Variants in CHAF1A observed in about 807,000 individuals in gnomAD.
The protein encoded by CHAF1A is chromatin assembly factor 1 subunit A, also known as CAF-1 subunit A.
CHAF1A carries 5 observed loss-of-function variants against 93.2 expected under a neutral mutation model. The observed-to-expected ratio is 0.05, with a 90% CI of 0.03 to 0.11. CHAF1A has a LOEUF of 0.11. CHAF1A is among the 10% of genes least tolerant of loss of function. The pLI is 1.00. For missense variants in CHAF1A, 1,102 were observed against 1,259.9 expected, an observed-to-expected ratio of 0.87 and a Z score of 1.90; for synonymous variants, 504 against 510.3, an observed-to-expected ratio of 0.99 and a Z score of 0.17.
At chr19:4,414,136 C>T (rs1973856918) in intron 3 of CHAF1A, among the ~76,000 whole-genome samples, 1 of 152,154 alleles carries the variant, frequency 6.6e-6, no homozygotes, top group Non-Finnish European at 1.5e-5. Flanking sequence ...TGCAGTGGCT[C>T]AAGCCTGTAA....
Position 4,433,560 on chromosome 19 carries a change from G to A in CHAF1A, c.2673+21G>A, listed in dbSNP as rs1351772412. The A allele has an allele frequency of 6.6e-7, 1 of 1,526,704 alleles. No individual in the cohort carries two copies. Among genetic ancestry groups the A allele is most frequent in the Admixed American group, 2.0e-5 (1 of 49,788 alleles). 94.6% of individuals were successfully genotyped at this position (1,526,704 alleles called of 1,614,324 possible). On this transcript the variant is annotated intron_variant, in intron 13 of 14. Coordinates refer to ENST00000301280, the MANE Select transcript of CHAF1A (RefSeq NM_005483.3). This position sits in a 1 kb window ranked among gnomAD's most constrained non-coding sequence, Gnocchi z 5.6. Reference sequence around the variant, plus strand: ...GCCAGGTGAGGTGGGGTGGGCAGGTGGGGGCCTCTGCAGGGCTTTTCTTTT... The same window carrying A: ...GCCAGGTGAGGTGGGGTGGGCAGGTAGGGGCCTCTGCAGGGCTTTTCTTTT...
the CHAF1A span, chr19:4,450,786 A>AAAAAAG: frequency 4.3e-5 from 6 of 139,780 alleles, no homozygotes; most frequent in Non-Finnish European, 7.7e-5. Context: ...AAAAAAAAAA[A>AAAAAAG]GAGTGCCTAC....
chr19:4,404,109 C>T (rs1973638187), intron 1 of CHAF1A, among the ~76,000 whole-genome samples: 1 of 152,044 alleles, frequency 6.6e-6, no homozygotes, highest in Non-Finnish European at 1.5e-5. Flanking sequence ...GCATGAGCCA[C>T]CATGCCTGGC....
intron 13 of CHAF1A, among the ~76,000 whole-genome samples, chr19:4,434,606 C>T (rs1194462477): frequency 6.6e-6 from 1 of 152,104 alleles, no homozygotes; most frequent in Non-Finnish European, 1.5e-5. Flanking sequence ...TGTGTGGCTC[C>T]TTTGACTTGG....
chr19:4,436,093 C>G (rs1599662076), intron 13 of CHAF1A, among the ~76,000 whole-genome samples: 1 of 151,476 alleles, frequency 6.6e-6, no homozygotes. Context: ...GAGCCGAGAC[C>G]ACACCATTGT....
intron 13 of CHAF1A, among the ~76,000 whole-genome samples, chr19:4,439,649 G>A (rs1974350618): frequency 1.3e-5 from 2 of 152,196 alleles, no homozygotes; most frequent in Non-Finnish European, 2.9e-5. Flanking sequence ...TTTGTTTAAC[G>A]TCCCCAGACA....
At chr19:4,403,777 G>T (rs1467306134) in intron 1 of CHAF1A, among the ~76,000 whole-genome samples, 1 of 152,258 alleles carries the variant, frequency 6.6e-6, no homozygotes, top group African/African-American at 2.4e-5. Flanking sequence ...TAGCCTGTGG[G>T]ATTTCCCGGA....
At chr19:4,438,050 G>C (rs1490660699) in intron 13 of CHAF1A, among the ~76,000 whole-genome samples, 1 of 151,942 alleles carries the variant, frequency 6.6e-6, no homozygotes, top group African/African-American at 2.4e-5. Flanking sequence ...ATCTTTTCTT[G>C]TTGTTAAATT....
rs1427008498 is a variant in CHAF1A, at chr19:4,422,047, T to C, written c.1018-519T>C. On this transcript the variant is annotated intron_variant, in intron 4 of 14. Transcript: ENST00000301280. The surrounding 1 kb of genome is among the most constrained non-coding windows in gnomAD (Gnocchi z 4.6). ...TTTTATTAAATGGAGTCTCACTCTG[T>C]CACTGATGCTGGAGTGCAGTGGCAC... 6.6e-6 allele frequency among the ~76,000 whole-genome samples: 1 copy of C among 151,676 alleles called. No homozygotes were observed. The highest frequency in any genetic ancestry group is 1.5e-5 in the Non-Finnish European group (1 of 67,916).
chr19:4,439,002 T>G (rs1974338190), intron 13 of CHAF1A, among the ~76,000 whole-genome samples: 1 of 147,766 alleles, frequency 6.8e-6, no homozygotes. Flanking sequence ...CATAGATGGC[T>G]GGGTGCAGTG....
At chr19:4,403,502 CAT>C (rs915417514) in intron 1 of CHAF1A, among the ~76,000 whole-genome samples, 7 of 152,262 alleles carry the variant, frequency 4.6e-5, no homozygotes, top group African/African-American at 1.7e-4. Flanking sequence ...CGCTTTGGCA[CAT>C]AGTAGGTGCT....
Position 4,442,267 on chromosome 19 carries a change from G to A in CHAF1A, c.2696G>A (p.Gly899Asp). The A allele has an allele frequency of 6.2e-7, 1 of 1,614,054 alleles. No individual in the cohort carries two copies. The highest frequency in any genetic ancestry group is 1.1e-5 in the South Asian group (1 of 91,026). ...DGQIGAEDMD[G>D]FQADTEEEEE... ...CAGATTGGTGCTGAAGACATGGACG[G>A]CTTCCAGGCAGACACGGAGGAGGAG... is the stretch of plus-strand genomic sequence containing the variant. Residue 899 changes from glycine (G) to aspartate (D), a missense_variant, in exon 14 of 15, where the codon GGC becomes GAC. This residue lies in a region of CHAF1A where 119 missense variants were observed against 102.2 expected (regional missense o/e 1.16). Coordinates refer to ENST00000301280, the MANE Select transcript of CHAF1A (RefSeq NM_005483.3).
At chr19:4,429,292 C>A in intron 8 of CHAF1A, 146 bp from the exon 9 acceptor site, 1 of 931,700 alleles carries the variant, frequency 1.1e-6, no homozygotes, top group Non-Finnish European at 1.6e-6. Context: ...TGTTCCTGAC[C>A]TTTCTTTGGG....
At chr19:4,417,502 C>A (rs957659358) in intron 3 of CHAF1A, among the ~76,000 whole-genome samples, 14 of 149,582 alleles carry the variant, frequency 9.4e-5, no homozygotes, top group Non-Finnish European at 1.9e-4. Flanking sequence ...ACCCTGTTGC[C>A]CAGGCAGGAG....
downstream of CHAF1A, chr19:4,445,675 G>C (rs780823252): frequency 4.4e-6 from 7 of 1,585,638 alleles, no homozygotes; most frequent in South Asian, 5.5e-5. Context: ...CCCTTGCCGC[G>C]GCAGGGAACT....
chr19:4,423,362 GGAAGAAGAGAAACGGTTAAGA>G lies in CHAF1A; in HGVS notation c.1287_1307del (p.Leu431_Arg437del). 1 of 1,614,122 alleles carries G rather than the reference GGAAGAAGAGAAACGGTTAAGA, an allele frequency of 6.2e-7. No individual in the cohort carries two copies. The highest frequency in any genetic ancestry group is 8.5e-7 in the Non-Finnish European group (1 of 1,179,986). On this transcript the variant is annotated inframe_deletion, in exon 6 of 15. Transcript: ENST00000301280. Reference sequence around the variant, plus strand: ...CTAAACTTGAGGAAAAAAGGAAAAAGGAAGAAGAGAAACGGTTAAGAGAAGAAGAGAAGGTAGAGTGTTTCC... The same window carrying G: ...CTAAACTTGAGGAAAAAAGGAAAAAGGAAGAAGAGAAGGTAGAGTGTTTCC...
intron 11 of CHAF1A, among the ~76,000 whole-genome samples, chr19:4,431,477 G>T (rs1470210711): frequency 6.6e-6 from 1 of 152,044 alleles, no homozygotes; most frequent in Non-Finnish European, 1.5e-5. Flanking sequence ...TGTTTTGAAG[G>T]CCTGTCGTTT....
chr19:4,431,885 C>A (rs993788071), intron 11 of CHAF1A, 67 bp from the exon 12 acceptor site: 12 of 1,537,174 alleles, frequency 7.8e-6, no homozygotes, highest in Non-Finnish European at 8.8e-6. Context: ...GGACTGGTTC[C>A]TCAAAAGAGT....
downstream of CHAF1A, chr19:4,445,428 G>A (rs1346992271): frequency 1.9e-6 from 3 of 1,599,388 alleles, no homozygotes; most frequent in Non-Finnish European, 2.6e-6. Flanking sequence ...GGAGGCCCTG[G>A]GGTGGCGGGG....
Sources: allele counts gnomAD v4.1 joint callset (sites outside exome capture counted in the v4.1 genomes callset), GRCh38; gene constraint gnomAD v4.1.1; regional missense constraint gnomAD v4.1.1; non-coding constraint Gnocchi (gnomAD v3.1); transcripts MANE v1.5; gene names NCBI Gene and HGNC (gene_info 2026-07-23, HGNC 2026-07-21).